The following TARS3 variants were observed in gnomAD, a reference collection of about 807,000 sequenced individuals.
TARS3 encodes the protein threonyl-tRNA synthetase 3, also known as threonine--tRNA ligase 2, cytoplasmic.
TARS3 carries 94 observed loss-of-function variants against 103.5 expected under a neutral mutation model. That is an observed-to-expected ratio of 0.91 (90% CI 0.77 to 1.08). TARS3 has a LOEUF of 1.08. TARS3 is among the 50% of genes least tolerant of loss of function. The pLI is 0.00. For synonymous variants in TARS3, 416 were observed against 355.4 expected (o/e 1.17, Z -1.92); for missense variants, 952 against 995.2 (o/e 0.96, Z 0.58).
At position 101,657,776 on chromosome 15, in the gene TARS3, T is replaced by C; in HGVS notation, c.2145+9A>G. 1 of 1,591,566 alleles carries C rather than the reference T, an allele frequency of 6.3e-7. No homozygotes were observed. Among genetic ancestry groups the C allele is most frequent in the African/African-American group, 1.3e-5 (1 of 74,482 alleles). On this transcript the variant is annotated intron_variant, in intron 17 of 18. Coordinates refer to ENST00000335968, the MANE Select transcript of TARS3 (RefSeq NM_152334.3). ...GATTATTATGTACTTTAAACACCTC[T>C]GATTTTACCTGAAGTGCATATTTTT... is the stretch of plus-strand genomic sequence containing the variant.
At chr15:101,670,992 AGTGT>A (rs1055887762) in intron 15 of TARS3, among the ~76,000 whole-genome samples, 1 of 152,132 alleles carries the variant, frequency 6.6e-6, no homozygotes, top group Non-Finnish European at 1.5e-5. Flanking sequence ...GAGTAGGAGG[AGTGT>A]GTGACTACAA....
At chr15:101,695,480 T>C (rs1414824983) in intron 10 of TARS3, among the ~76,000 whole-genome samples, 1 of 152,228 alleles carries the variant, frequency 6.6e-6, no homozygotes, top group Non-Finnish European at 1.5e-5. Context: ...TTCCACATTA[T>C]GTTTATCTTT....
rs745881933 is a variant in TARS3, at chr15:101,724,242, C to A, written c.146G>T (p.Cys49Phe). The A allele has an allele frequency of 8.4e-5, 131 of 1,555,408 alleles. No individual in the cohort carries two copies. The highest frequency in any genetic ancestry group is 1.1e-4 in the Admixed American group (6 of 53,932). ...APYSCQAEGP[C>F]LTREVAQLRA... is the part of the protein sequence containing the mutation. ...GAGCTGCGCCACCTCCCGCGTGAGGCACGGCCCCTCCGCCTGGCAGCTGTA... is the reference window on the plus strand; with the variant it reads ...GAGCTGCGCCACCTCCCGCGTGAGGAACGGCCCCTCCGCCTGGCAGCTGTA... Residue 49 changes from cysteine (C) to phenylalanine (F), a missense_variant, in exon 1 of 19, where the codon TGC (cysteine) becomes TTC (phenylalanine). Around this residue, in one of 2 missense-constraint regions of TARS3, gnomAD observed 412 missense variants for 364.2 expected, o/e 1.13. Transcript: ENST00000335968.
At chr15:101,665,451 TCAGCCTA>T (rs1034775684) in intron 15 of TARS3, among the ~76,000 whole-genome samples, 1 of 152,242 alleles carries the variant, frequency 6.6e-6, no homozygotes, top group African/African-American at 2.4e-5. Context: ...TCAAAATATT[TCAGCCTA>T]CAGCCTACAG....
Position 101,686,022 on chromosome 15 carries a change from G to C in TARS3, c.1361C>G (p.Pro454Arg), listed in dbSNP as rs1261071106. ...HKRDFTEVLS[P>R]NMYNSKLWEA... The stretch of plus-strand genomic sequence containing the variant: ...CCAGAGTTTACTGTTGTACATATTG[G>C]GAGAGAGCACCTCCGTGAAGTCCCG... The change falls in exon 11 of 19, where the codon CCC becomes CGC. Residue 454 changes from proline to arginine, a missense_variant. Physicochemically the swap from Pro to Arg is moderately radical, Grantham distance 103 (BLOSUM62 -2). This residue lies in a region of TARS3 where 540 missense variants were observed against 631.0 expected (regional missense o/e 0.86). Transcript: ENST00000335968. 2 of 1,613,010 alleles carry C rather than the reference G, an allele frequency of 1.2e-6. No homozygotes were observed. The highest frequency in any genetic ancestry group is 2.2e-5 in the East Asian group (1 of 44,862).
At position 101,708,889 on chromosome 15, in the gene TARS3, C is replaced by A. The variant is rs764506167; in HGVS notation, c.834G>T (p.Leu278Phe). The A allele has an allele frequency of 1.2e-6, 2 of 1,605,606 alleles. No individual in the cohort carries two copies. Among genetic ancestry groups the A allele is most frequent in the South Asian group, 2.2e-5 (2 of 89,532 alleles). The change falls in exon 6 of 19, where the codon TTG (leucine) becomes TTT (phenylalanine). Residue 278 changes from leucine (L) to phenylalanine (F), a missense_variant. This residue lies in a region of TARS3 where 412 missense variants were observed against 364.2 expected (regional missense o/e 1.13). Transcript: ENST00000335968. ...IEDRAVSSTE[L>F]SALENICKAI... The stretch of plus-strand genomic sequence containing the variant: ...CTTTACATATATTCTCCAGGGCTGA[C>A]AATTCTGTGCTGGACACTGCTCTAA...
At position 101,684,154 on chromosome 15, in the gene TARS3, A is replaced by G; in HGVS notation, c.1571T>C (p.Leu524Pro). 1 of 1,614,132 alleles carries G rather than the reference A, an allele frequency of 6.2e-7. No individual in the cohort carries two copies. The highest frequency in any genetic ancestry group is 8.5e-7 in the Non-Finnish European group (1 of 1,179,980). The change falls in exon 12 of 19, where the codon CTG becomes CCG. Residue 524 changes from leucine (L) to proline (P), a missense_variant. Physicochemically the swap from Leu to Pro is moderately conservative, Grantham distance 98. Transcript: ENST00000335968. ...GGTCAAGCCGCTGAGAGTCCCCGAC[A>G]GTTCATTTCTATGCAGAACTCCAAA... ...ADFGVLHRNELSGTLSGLTRV... is the reference protein window; with the variant it reads ...ADFGVLHRNEPSGTLSGLTRV...
intron 15 of TARS3, among the ~76,000 whole-genome samples, chr15:101,662,487 TAATAA>T (rs1398543756): frequency 4.6e-5 from 7 of 152,144 alleles, no homozygotes; most frequent in South Asian, 2.1e-4. Flanking sequence ...AACAAATAAA[TAATAA>T]AATAAAACAA....
chr15:101,712,579 C>T (rs1339790737), intron 4 of TARS3, among the ~76,000 whole-genome samples: 4 of 152,156 alleles, frequency 2.6e-5, no homozygotes, highest in Non-Finnish European at 5.9e-5. Context: ...CTGCTGGCTG[C>T]CTGGGACGCC....
chr15:101,685,712 C>A (rs1158781173), intron 11 of TARS3, among the ~76,000 whole-genome samples, 184 bp downstream of exon 11: 1 of 152,130 alleles, frequency 6.6e-6, no homozygotes, highest in East Asian at 1.9e-4. Context: ...CCCATACCTG[C>A]CAAAGATCAA....
At chr15:101,656,017 C>T (rs1260313441) in intron 18 of TARS3, 15 of 1,289,204 alleles carry the variant, frequency 1.2e-5, no homozygotes, top group Middle Eastern at 2.1e-4. Context: ...AGGAAGAAAC[C>T]GGTCTGCAGA....
chr15:101,660,326 A>G lies in TARS3; in HGVS notation c.2072+1386T>C, dbSNP rs868601955. Among the ~76,000 whole-genome samples the G allele has an allele frequency of 2.6e-5, 4 of 152,254 alleles. No homozygotes were observed. In the South Asian group the frequency reaches 6.2e-4, roughly 24 times the overall value. ...GTTTGCAGCATTTCCACATACTAGG[A>G]TACATCATCACAAGATGTTGTCTGC... is the stretch of plus-strand genomic sequence containing the variant. On this transcript the variant is annotated intron_variant, in intron 16 of 18. Coordinates refer to ENST00000335968, the MANE Select transcript of TARS3 (RefSeq NM_152334.3).
chr15:101,653,602 TATA>T lies in TARS3; in HGVS notation c.*977_*979del, dbSNP rs2141374250. ...ACCTTATACTACTACACAAGCCTGA[TATA>T]TATTGTTTTGTTTGCCAACTGTTTC... On this transcript the variant is annotated 3_prime_UTR_variant, in exon 19 of 19. Coordinates refer to ENST00000335968, the MANE Select transcript of TARS3 (RefSeq NM_152334.3). 1 of 152,372 alleles carries T rather than the reference TATA, an allele frequency of 6.6e-6. No individual in the cohort carries two copies. The highest frequency in any genetic ancestry group is 2.1e-4 in the South Asian group (1 of 4,830). The allele number at this position is 152,372 out of a possible 1,614,324, so 9.4% of individuals were successfully genotyped here. A position where few individuals can be genotyped will look rare whatever the true frequency, so the allele number is the denominator to read the frequency against.
intron 15 of TARS3, among the ~76,000 whole-genome samples, chr15:101,668,538 G>A (rs478338): frequency 0.57 from 86,042 of 152,044 alleles, 25,518 homozygotes; most frequent in Non-Finnish European, 0.67. Context: ...AATTACCTAA[G>A]TGTGACACAA....
Position 101,675,593 on chromosome 15 carries a change from C to T in TARS3, c.1788+7G>A. The T allele has an allele frequency of 6.2e-7, 1 of 1,612,000 alleles. No homozygotes were observed. Among genetic ancestry groups the T allele is most frequent in the Admixed American group, 1.7e-5 (1 of 59,674 alleles). The stretch of plus-strand genomic sequence containing the variant: ...AATGAAGAGGAAGCACAAGGTGTGT[C>T]TCTTACCTTCTCAGCCTCATTCCAC... On this transcript the variant is annotated splice_region_variant and intron_variant, in intron 13 of 18. Coordinates refer to ENST00000335968, the MANE Select transcript of TARS3 (RefSeq NM_152334.3).
chr15:101,705,653 G>A (rs1303524737), intron 7 of TARS3, 30 bp downstream of exon 7: 3 of 1,594,396 alleles, frequency 1.9e-6, no homozygotes, highest in Non-Finnish European at 2.6e-6. Flanking sequence ...GTTTACCACT[G>A]AGCAGCGTTT....
chr15:101,718,559 G>A (rs190632498), intron 3 of TARS3, among the ~76,000 whole-genome samples: 13 of 152,262 alleles, frequency 8.5e-5, no homozygotes, highest in African/African-American at 2.2e-4. Context: ...TTCCCAAACC[G>A]CAGGAGGGAC....
At chr15:101,720,328 A>G (rs745439499) in intron 3 of TARS3, among the ~76,000 whole-genome samples, 1 of 152,218 alleles carries the variant, frequency 6.6e-6, no homozygotes, top group African/African-American at 2.4e-5. Context: ...TTTAATGCTA[A>G]GAATTAACAT....
At position 101,711,971 on chromosome 15, in the gene TARS3, C is replaced by A. The variant is rs1567354549; in HGVS notation, c.721G>T (p.Gly241Trp). ...CCATAGTAAAGCTCCATGGCCTCCC[C>A]AAGAATGTGAGCACTGGAGTGCCAG... ...VYWHSSAHIL[G>W]EAMELYYGGH... The change falls in exon 5 of 19, where the codon GGG (glycine) becomes TGG (tryptophan). Residue 241 changes from glycine (G) to tryptophan (W), a missense_variant. Transcript: ENST00000335968. The A allele has an allele frequency of 1.2e-6, 2 of 1,613,760 alleles. No individual in the cohort carries two copies. The highest frequency in any genetic ancestry group is 8.5e-7 in the Non-Finnish European group (1 of 1,179,772).
Sources: gnomAD v4.1 joint callset for allele counts (sites outside exome capture counted in the v4.1 genomes callset) on GRCh38, gnomAD v4.1.1 for gene constraint, gnomAD v4.1.1 regional missense constraint, MANE v1.5 for transcripts, NCBI Gene and HGNC (gene_info 2026-07-23, HGNC 2026-07-21) for gene names.